Variants in ETV6 observed in about 807,000 individuals in gnomAD.
ETV6 encodes ETS variant transcription factor 6.
Under a neutral mutation model 51.1 loss-of-function variants are expected in ETV6, and 16 were observed. That is an observed-to-expected ratio of 0.31 (90% CI 0.21 to 0.48). The LOEUF is 0.48. ETV6 is among the 20% of genes least tolerant of loss of function. The pLI, the probability that ETV6 is intolerant of heterozygous loss-of-function variation, is 0.99. For missense variants in ETV6, 458 were observed against 594.8 expected (o/e 0.77, Z 2.39); for synonymous variants, 240 against 224.1 (o/e 1.07, Z -0.64).
intron 1 of ETV6, chr12:11,751,486 G>T (rs530728447): frequency 1.7e-5 from 9 of 516,600 alleles, no homozygotes; most frequent in Non-Finnish European, 3.5e-5. Context: ...AACCTAGTTG[G>T]CATGTTGATC....
chr12:11,796,431 C>T (rs1389811700), intron 2 of ETV6, among the ~76,000 whole-genome samples: 3 of 152,210 alleles, frequency 2.0e-5, no homozygotes, highest in Non-Finnish European at 4.4e-5. Flanking sequence ...ACACAGATGA[C>T]TTGTCCAGGG....
intron 2 of ETV6, among the ~76,000 whole-genome samples, chr12:11,830,436 A>G (rs1035745545): frequency 6.6e-6 from 1 of 152,194 alleles, no homozygotes; most frequent in Non-Finnish European, 1.5e-5. Flanking sequence ...TCTGAACTTC[A>G]GTTTCTTCTG....
chr12:11,678,944 CCA>C (rs1270282735), intron 1 of ETV6, among the ~76,000 whole-genome samples: 1 of 152,144 alleles, frequency 6.6e-6, no homozygotes, highest in African/African-American at 2.4e-5. Context: ...TAGATAGTGC[CCA>C]CCCACATTGG....
intron 1 of ETV6, among the ~76,000 whole-genome samples, chr12:11,750,159 C>T (rs117470891): frequency 2.0e-5 from 3 of 152,262 alleles, no homozygotes; most frequent in East Asian, 3.9e-4. Context: ...GGTGTTTCAC[C>T]GTAAGGTCAG....
At chr12:11,821,551 T>G (rs796478470) in intron 2 of ETV6, among the ~76,000 whole-genome samples, 4 of 150,700 alleles carry the variant, frequency 2.7e-5, no homozygotes, top group African/African-American at 9.7e-5. Context: ...AAAATGGAGA[T>G]GTTGACCGGG....
intron 2 of ETV6, among the ~76,000 whole-genome samples, chr12:11,796,605 A>G (rs938611192): frequency 6.6e-6 from 1 of 152,154 alleles, no homozygotes; most frequent in African/African-American, 2.4e-5. Flanking sequence ...ACTCTTATAC[A>G]TCATCTACCA....
rs368540572 is a variant in ETV6, at chr12:11,752,808, T to TAA, written c.163+238_163+239dup. On this transcript the variant is annotated intron_variant, in intron 2 of 7. Transcript: ENST00000396373. ...CATTTCTTCCCTGACTATGACATGT[T>TAA]AAAAAAAAAAGAAACCTGGAAACAT... 5,596 of 378,446 alleles carry TAA rather than the reference T, an allele frequency of 0.015. 46 individuals are homozygous for TAA. The highest frequency in any genetic ancestry group is 0.032 in the Middle Eastern group (44 of 1,366). 23.4% of individuals were successfully genotyped at this position (378,446 alleles called of 1,614,324 possible). A position where few individuals can be genotyped will look rare whatever the true frequency, so the allele number is the denominator to read the frequency against.
At chr12:11,876,887 T>G (rs2136564435) in intron 5 of ETV6, among the ~76,000 whole-genome samples, 1 of 152,272 alleles carries the variant, frequency 6.6e-6, no homozygotes, top group Non-Finnish European at 1.5e-5. Context: ...CTCCCAACCC[T>G]CTTAGAACAC....
At position 11,891,072 on chromosome 12, in the gene ETV6, G is replaced by A; in HGVS notation, c.*26G>A. On this transcript the variant is annotated 3_prime_UTR_variant, in exon 8 of 8. Coordinates refer to ENST00000396373, the MANE Select transcript of ETV6 (RefSeq NM_001987.5). Reference sequence around the variant, plus strand: ...AGGAACCAACAGTCCACCTCAGCGGGCCAGCAGCCCAGGGAACCCCTGCCC... The same window carrying A: ...AGGAACCAACAGTCCACCTCAGCGGACCAGCAGCCCAGGGAACCCCTGCCC... The A allele has an allele frequency of 6.4e-7, 1 of 1,574,170 alleles. No individual in the cohort carries two copies. The highest frequency in any genetic ancestry group is 1.1e-5 in the South Asian group (1 of 90,244).
chr12:11,653,844 CG>C (rs1228627877), intron 1 of ETV6, among the ~76,000 whole-genome samples: 1 of 152,028 alleles, frequency 6.6e-6, no homozygotes, highest in East Asian at 1.9e-4. Context: ...GACAGAGTCT[CG>C]CTCTGTCGCC....
At chr12:11,702,839 G>A (rs2856321) in intron 1 of ETV6, among the ~76,000 whole-genome samples, 80,276 of 152,144 alleles carry the variant, frequency 0.53, 24,092 homozygotes, top group Middle Eastern at 0.73. Context: ...GGTTACATTT[G>A]TCATGCCTGT....
intron 1 of ETV6, among the ~76,000 whole-genome samples, chr12:11,745,492 C>T (rs1006810722): frequency 5.9e-5 from 9 of 152,172 alleles, no homozygotes; most frequent in South Asian, 2.1e-4. Flanking sequence ...AAGACATCTC[C>T]GAGAAGATTT....
chr12:11,893,391 C>A lies in ETV6; in HGVS notation c.*2345C>A. 4.3e-6 allele frequency: 1 copy of A among 232,218 alleles called. No individual in the cohort carries two copies. Among genetic ancestry groups the A allele is most frequent in the Non-Finnish European group, 8.5e-6 (1 of 117,494 alleles). The allele number at this position is 232,218 out of a possible 1,614,324, so 14.4% of individuals were successfully genotyped here. On this transcript the variant is annotated 3_prime_UTR_variant, in exon 8 of 8. Coordinates refer to ENST00000396373, the MANE Select transcript of ETV6 (RefSeq NM_001987.5). ...AACAGTTGAATTATGGAGGGAAATT[C>A]CCTTTTGCCCCAAGCATTTCTATAT... is the stretch of plus-strand genomic sequence containing the variant.
chr12:11,811,480 C>T (rs1025465401), intron 2 of ETV6, among the ~76,000 whole-genome samples: 1 of 152,070 alleles, frequency 6.6e-6, no homozygotes, highest in East Asian at 1.9e-4. Flanking sequence ...TAGCAGTTTA[C>T]TCCTTGAGCA....
Position 11,697,058 on chromosome 12 carries a change from C to T in ETV6, c.33+46898C>T, listed in dbSNP as rs763995258. Among the ~76,000 whole-genome samples, 7 of 152,188 alleles carry T rather than the reference C, an allele frequency of 4.6e-5. 1 individual carries two copies. Among genetic ancestry groups the T allele is most frequent in the Non-Finnish European group, 8.8e-5 (6 of 68,004 alleles). ...TGTTAAATTTAAATGAATAGATTTCCTTCCTGTCTTTTTCCCTAAGCTGCA... is the reference window on the plus strand; with the variant it reads ...TGTTAAATTTAAATGAATAGATTTCTTTCCTGTCTTTTTCCCTAAGCTGCA... On this transcript the variant is annotated intron_variant, in intron 1 of 7. Coordinates refer to ENST00000396373, the MANE Select transcript of ETV6 (RefSeq NM_001987.5).
At position 11,886,026 on chromosome 12, in the gene ETV6, G is replaced by T; in HGVS notation, c.1253G>T (p.Arg418Met). 6.2e-7 allele frequency: 1 copy of T among 1,605,798 alleles called. No homozygotes were observed. Among genetic ancestry groups the T allele is most frequent in the South Asian group, 1.1e-5 (1 of 90,752 alleles). ...RKEPGQRLLFRFMKTPDEIMS... is the reference protein window; with the variant it reads ...RKEPGQRLLFMFMKTPDEIMS... The stretch of plus-strand genomic sequence containing the variant: ...GAGCCAGGACAAAGGCTTTTGTTCA[G>T]GTAGCACTTCCTTTTTCTCCTTTCC... Residue 418 changes from arginine to methionine, a missense_variant and splice_region_variant, in exon 7 of 8, where the codon AGG becomes ATG. By Grantham distance (91) the Arg-to-Met change is moderately conservative. Around this residue, in one of 4 missense-constraint regions of ETV6, gnomAD observed 55 missense variants for 151.2 expected, o/e 0.36. Transcript: ENST00000396373.
chr12:11,862,888 T>C (rs1235566887), intron 4 of ETV6, among the ~76,000 whole-genome samples: 8 of 152,228 alleles, frequency 5.3e-5, no homozygotes, highest in South Asian at 4.1e-4. Flanking sequence ...CTTGAGCTTA[T>C]GACTTCTGTC....
In ETV6 at chr12:11,778,862, G is replaced by A. The variant is rs544213263; in HGVS notation, c.163+26283G>A. ...CCTTAGAGGATTAGACACATTATTCGTTTGTAAAACTGATTGCTCAAGTGA... is the reference window on the plus strand; with the variant it reads ...CCTTAGAGGATTAGACACATTATTCATTTGTAAAACTGATTGCTCAAGTGA... On this transcript the variant is annotated intron_variant, in intron 2 of 7. Transcript: ENST00000396373. Among the ~76,000 whole-genome samples the A allele has an allele frequency of 1.8e-3, 277 of 152,300 alleles. 2 individuals are homozygous for A. The highest frequency in any genetic ancestry group is 3.4e-3 in the Middle Eastern group (1 of 294).
chr12:11,893,794 T>TTATATATATATATATATA lies in ETV6; in HGVS notation c.*2779_*2796dup, dbSNP rs57308697. On this transcript the variant is annotated 3_prime_UTR_variant, in exon 8 of 8. Coordinates refer to ENST00000396373, the MANE Select transcript of ETV6 (RefSeq NM_001987.5). Reference sequence around the variant, plus strand: ...GTGTCCATCCCCAAGATCTCTCATTTTATATATATATATATATATATATAT... The same window carrying TTATATATATATATATATA: ...GTGTCCATCCCCAAGATCTCTCATTTTATATATATATATATATATATATATATATATATATATATATAT... 5 of 78,890 alleles carry TTATATATATATATATATA rather than the reference T, an allele frequency of 6.3e-5. No individual in the cohort carries two copies. Among genetic ancestry groups the TTATATATATATATATATA allele is most frequent in the South Asian group, 4.9e-4 (1 of 2,038 alleles). The allele number at this position is 78,890 out of a possible 1,614,324, so 4.9% of individuals were successfully genotyped here. A position where few individuals can be genotyped will look rare whatever the true frequency, so the allele number is the denominator to read the frequency against.
Sources: allele counts gnomAD v4.1 joint callset (sites outside exome capture counted in the v4.1 genomes callset), GRCh38; gene constraint gnomAD v4.1.1; regional missense constraint gnomAD v4.1.1; transcripts MANE v1.5; gene names NCBI Gene and HGNC (gene_info 2026-07-23, HGNC 2026-07-21).